The following PCMTD1 variants were observed in gnomAD, a reference collection of about 807,000 sequenced individuals.
PCMTD1 encodes protein-L-isoaspartate O-methyltransferase domain-containing protein 1.
Under a neutral mutation model 37.6 loss-of-function variants are expected in PCMTD1, and 12 were observed. The ratio of observed to expected loss-of-function variants is 0.32; its 90% CI spans 0.20 to 0.52. The LOEUF (loss-of-function observed/expected upper bound fraction) is 0.52. PCMTD1 is among the 20% of genes least tolerant of loss of function. PCMTD1 has a pLI of 0.97. For missense variants in PCMTD1, 235 were observed against 421.3 expected, an observed-to-expected ratio of 0.56 and a Z score of 3.87; for synonymous variants, 117 against 135.8, an observed-to-expected ratio of 0.86 and a Z score of 0.96.
chr8:51,882,160 T>C (rs1203794814), intron 1 of PCMTD1, among the ~76,000 whole-genome samples: 1 of 152,194 alleles, frequency 6.6e-6, no homozygotes, highest in Non-Finnish European at 1.5e-5. Flanking sequence ...ACAGAATCAC[T>C]TTCTGGTAAG....
chr8:51,885,357 A>G (rs897124964), intron 1 of PCMTD1, among the ~76,000 whole-genome samples: 3 of 152,192 alleles, frequency 2.0e-5, no homozygotes, highest in Non-Finnish European at 4.4e-5. Flanking sequence ...CAGAGAGGGG[A>G]AGTTAGACGC....
chr8:51,821,333 C>A (rs1252015215), intron 5 of PCMTD1, among the ~76,000 whole-genome samples: 1 of 152,116 alleles, frequency 6.6e-6, no homozygotes, highest in African/African-American at 2.4e-5. Flanking sequence ...GAAACGGGAT[C>A]TCACTATATT....
chr8:51,889,719 T>C (rs1477455665), intron 1 of PCMTD1, among the ~76,000 whole-genome samples: 1 of 152,186 alleles, frequency 6.6e-6, no homozygotes, highest in Non-Finnish European at 1.5e-5. Flanking sequence ...CAGGGTCTCA[T>C]GCTGACTACA....
At chr8:51,863,902 G>C (rs965134556) in intron 1 of PCMTD1, among the ~76,000 whole-genome samples, 1 of 149,608 alleles carries the variant, frequency 6.7e-6, no homozygotes, top group African/African-American at 2.4e-5. Context: ...ACTCCAGTCT[G>C]GGCGACAGTG....
At chr8:51,854,631 C>CACTT (rs2038356326) in intron 2 of PCMTD1, among the ~76,000 whole-genome samples, 1 of 152,170 alleles carries the variant, frequency 6.6e-6, no homozygotes, top group African/African-American at 2.4e-5. Flanking sequence ...GTAATCCCAG[C>CACTT]ACTTTGGGAG....
chr8:51,870,932 A>G (rs1205285133), intron 1 of PCMTD1, among the ~76,000 whole-genome samples: 1 of 152,160 alleles, frequency 6.6e-6, no homozygotes, highest in East Asian at 1.9e-4. Flanking sequence ...CCTCAGGCAA[A>G]TTACTTAATG....
intron 4 of PCMTD1, 117 bp downstream of exon 4, chr8:51,833,401 T>A (rs547956670): frequency 3.8e-6 from 3 of 780,718 alleles, no homozygotes; most frequent in South Asian, 2.2e-5. Context: ...ATAAATCTGG[T>A]GAAAAGTAAT....
intron 1 of PCMTD1, among the ~76,000 whole-genome samples, chr8:51,863,157 C>T (rs1414303722): frequency 6.6e-6 from 1 of 151,986 alleles, no homozygotes; most frequent in African/African-American, 2.4e-5. Flanking sequence ...TGTCAGTATC[C>T]AGTGTGGCAT....
At chr8:51,885,117 G>T (rs1163935595) in intron 1 of PCMTD1, among the ~76,000 whole-genome samples, 3 of 152,066 alleles carry the variant, frequency 2.0e-5, no homozygotes, top group African/African-American at 7.2e-5. Context: ...CCGAAATAAA[G>T]ACAGCAGTTG....
intron 5 of PCMTD1, among the ~76,000 whole-genome samples, chr8:51,824,344 C>T (rs2037890441): frequency 6.6e-6 from 1 of 152,214 alleles, no homozygotes; most frequent in South Asian, 2.1e-4. Flanking sequence ...GCAACTTTAG[C>T]AAAGTCTCAG....
chr8:51,858,943 C>A (rs2038431634), intron 2 of PCMTD1, among the ~76,000 whole-genome samples: 1 of 152,202 alleles, frequency 6.6e-6, no homozygotes, highest in Admixed American at 6.5e-5. Context: ...AGTTTGACAT[C>A]TGCCTACAGT....
chr8:51,896,919 T>G (rs2039009673), intron 1 of PCMTD1, among the ~76,000 whole-genome samples: 1 of 151,620 alleles, frequency 6.6e-6, no homozygotes, highest in South Asian at 2.1e-4. Context: ...CTTGAGCAGT[T>G]CTTTTACTCA....
intron 2 of PCMTD1, among the ~76,000 whole-genome samples, chr8:51,860,164 T>A (rs978033949): frequency 6.6e-6 from 1 of 152,258 alleles, no homozygotes; most frequent in Admixed American, 6.5e-5. Context: ...CTTCATTTAC[T>A]TGCCCATATA....
intron 1 of PCMTD1, among the ~76,000 whole-genome samples, chr8:51,869,090 A>C (rs1002268562): frequency 2.0e-5 from 3 of 152,158 alleles, no homozygotes; most frequent in Non-Finnish European, 4.4e-5. Context: ...GACTATGAAT[A>C]ATCAATATAA....
intron 1 of PCMTD1, among the ~76,000 whole-genome samples, chr8:51,893,656 A>G (rs1041626250): frequency 6.6e-6 from 1 of 152,210 alleles, no homozygotes; most frequent in African/African-American, 2.4e-5. Context: ...ATACAGTACC[A>G]AGAAAGGATA....
intron 3 of PCMTD1, among the ~76,000 whole-genome samples, chr8:51,835,171 C>T (rs2038051916): frequency 1.3e-5 from 2 of 152,170 alleles, no homozygotes; most frequent in African/African-American, 4.8e-5. Context: ...TTACAGGAAC[C>T]ATCACACAGT....
chr8:51,855,139 A>G (rs1366753739), intron 2 of PCMTD1, among the ~76,000 whole-genome samples: 1 of 146,788 alleles, frequency 6.8e-6, no homozygotes, highest in Non-Finnish European at 1.5e-5. Context: ...ATGCCATTGC[A>G]CTCCAGCCTG....
chr8:51,853,869 G>C (rs1321288188), intron 2 of PCMTD1, among the ~76,000 whole-genome samples: 1 of 151,794 alleles, frequency 6.6e-6, no homozygotes, highest in Non-Finnish European at 1.5e-5. Flanking sequence ...TCCCACCTTA[G>C]CTAGGAAGAT....
chr8:51,823,058 C>A (rs1487106886), intron 5 of PCMTD1, among the ~76,000 whole-genome samples: 2 of 152,158 alleles, frequency 1.3e-5, no homozygotes, highest in Non-Finnish European at 2.9e-5. Flanking sequence ...CAGAGGAATA[C>A]CAGAAATTTA....
Sources: gnomAD v4.1 joint callset for allele counts (sites outside exome capture counted in the v4.1 genomes callset) on GRCh38, gnomAD v4.1.1 for gene constraint, MANE v1.5 for transcripts, NCBI Gene and HGNC (gene_info 2026-07-23, HGNC 2026-07-21) for gene names.